Variants in FBXL19 observed in about 807,000 individuals in gnomAD.
FBXL19 encodes the protein F-box and leucine rich repeat protein 19.
Under a neutral mutation model 71.2 loss-of-function variants are expected in FBXL19, and 16 were observed. The ratio of observed to expected loss-of-function variants is 0.22; its 90% CI spans 0.15 to 0.34. The LOEUF (loss-of-function observed/expected upper bound fraction) is 0.34. Among genes scored for constraint, FBXL19 ranks in the 10% least tolerant of loss-of-function variants. FBXL19 has a pLI of 1.00. For missense variants in FBXL19, 658 were observed against 968.2 expected (o/e 0.68, Z 4.25); for synonymous variants, 447 against 409.4 (o/e 1.09, Z -1.11).
chr16:30,928,649 C>G (rs774376414), intron 6 of FBXL19, 21 bp downstream of exon 6: 2 of 1,512,746 alleles, frequency 1.3e-6, no homozygotes, highest in Admixed American at 2.2e-5. Flanking sequence ...GACCTCCTCC[C>G]TCCCCTTCCC....
intron 1 of FBXL19, 82 bp downstream of exon 1, chr16:30,924,541 T>G: frequency 8.2e-7 from 1 of 1,226,210 alleles, no homozygotes; most frequent in Non-Finnish European, 1.0e-6. Context: ...TCTCTCTACC[T>G]TCCCCGCCCC....
Position 30,932,199 on chromosome 16 carries a change from G to A in FBXL19, c.1301+1615G>A, listed in dbSNP as rs536067332. ...AGTACCTGGGAAATAGGAACTACTT[G>A]AAAGAGCTCTCATTGTAGCCAGTAT... On this transcript the variant is annotated intron_variant, in intron 7 of 10. Transcript: ENST00000338343. Among the ~76,000 whole-genome samples the A allele has an allele frequency of 3.3e-5, 5 of 152,298 alleles. No homozygotes were observed. In the East Asian group the frequency reaches 9.6e-4, roughly 29 times the overall value.
chr16:30,928,206 G>GA (rs916057980), intron 5 of FBXL19, among the ~76,000 whole-genome samples: 1 of 152,080 alleles, frequency 6.6e-6, no homozygotes, highest in Admixed American at 6.5e-5. Context: ...GTGGGTTAGG[G>GA]AGGCAGGAGA....
At chr16:30,939,911 C>G (rs1215167288) in intron 7 of FBXL19, among the ~76,000 whole-genome samples, 1 of 151,784 alleles carries the variant, frequency 6.6e-6, no homozygotes, top group East Asian at 1.9e-4. Context: ...AGGGAAGGAT[C>G]GCTTGAGCTC....
intron 7 of FBXL19, among the ~76,000 whole-genome samples, chr16:30,940,862 T>G (rs1335166004): frequency 1.3e-5 from 2 of 151,986 alleles, no homozygotes; most frequent in African/African-American, 4.8e-5. Context: ...GAGACAGGGT[T>G]TCACTAGTAG....
intron 7 of FBXL19, among the ~76,000 whole-genome samples, chr16:30,931,002 G>A (rs888486103): frequency 2.0e-5 from 3 of 152,160 alleles, no homozygotes; most frequent in East Asian, 1.9e-4. Flanking sequence ...TGCCACTTCC[G>A]AAAACAGTCT....
At chr16:30,944,401 A>G (rs1401876629) in intron 9 of FBXL19, among the ~76,000 whole-genome samples, 1 of 151,712 alleles carries the variant, frequency 6.6e-6, no homozygotes, top group Non-Finnish European at 1.5e-5. Context: ...GGATGTGTCC[A>G]TGTGTTCTCA....
intron 7 of FBXL19, among the ~76,000 whole-genome samples, chr16:30,937,714 C>T (rs1016431752): frequency 6.6e-6 from 1 of 152,248 alleles, no homozygotes. Context: ...GCATGTGCCA[C>T]AACGTGTTGG....
In FBXL19 at chr16:30,923,706, C is replaced by G. The variant is rs959106827; in HGVS notation, c.-778C>G. Among the ~76,000 whole-genome samples the G allele has an allele frequency of 6.6e-6, 1 of 151,738 alleles. No homozygotes were observed. The highest frequency in any genetic ancestry group is 1.5e-5 in the Non-Finnish European group (1 of 67,882). ...GCCCCCTTCCCCTTTCCCTCTCCCC[C>G]TCTATCCTTTCCTTCCACCCTCCCG... is the stretch of plus-strand genomic sequence containing the variant. On this transcript the variant is annotated 5_prime_UTR_variant, in exon 1 of 11. Transcript: ENST00000338343.
At chr16:30,938,729 T>G (rs1182629972) in intron 7 of FBXL19, among the ~76,000 whole-genome samples, 1 of 149,400 alleles carries the variant, frequency 6.7e-6, no homozygotes, top group Non-Finnish European at 1.5e-5. Flanking sequence ...CTCCGCCTCC[T>G]GGGTTCACGC....
chr16:30,929,824 G>A (rs1445432859), intron 6 of FBXL19, among the ~76,000 whole-genome samples: 1 of 152,236 alleles, frequency 6.6e-6, no homozygotes, highest in East Asian at 1.9e-4. Context: ...AGAGTGCTGG[G>A]ATTACAGGCG....
chr16:30,929,628 G>A (rs528747273), intron 6 of FBXL19, among the ~76,000 whole-genome samples: 1 of 152,132 alleles, frequency 6.6e-6, no homozygotes, highest in African/African-American at 2.4e-5. Flanking sequence ...GCGTGATCTC[G>A]GCCCGCTGAA....
In FBXL19 at chr16:30,927,377, G is replaced by A; in HGVS notation, c.247G>A (p.Glu83Lys). 1 of 1,593,470 alleles carries A rather than the reference G, an allele frequency of 6.3e-7. No homozygotes were observed. Among genetic ancestry groups the A allele is most frequent in the Non-Finnish European group, 8.5e-7 (1 of 1,169,890 alleles). ...EAGKEDTVEG[E>K]EEKFGLSLME... ...TGGGAAGGAGGACACGGTGGAGGGA[G>A]AGGAAGAGAAATTTGGTTTGAGCCT... Residue 83 changes from glutamate (E) to lysine (K), a missense_variant, in exon 3 of 11, where the codon GAG becomes AAG. Glu to Lys is a moderately conservative substitution (Grantham distance 56, BLOSUM62 1). This residue lies in a region of FBXL19 where 447 missense variants were observed against 515.4 expected (regional missense o/e 0.87). Coordinates refer to ENST00000338343, the MANE Select transcript of FBXL19 (RefSeq NM_001382779.1).
chr16:30,942,617 G>A lies in FBXL19; in HGVS notation c.1627+81G>A. 6.9e-7 allele frequency: 1 copy of A among 1,447,140 alleles called. No homozygotes were observed. The highest frequency in any genetic ancestry group is 9.1e-7 in the Non-Finnish European group (1 of 1,101,094). 89.6% of individuals were successfully genotyped at this position (1,447,140 alleles called of 1,614,324 possible). On this transcript the variant is annotated intron_variant, in intron 9 of 10. Coordinates refer to ENST00000338343, the MANE Select transcript of FBXL19 (RefSeq NM_001382779.1). The surrounding 1 kb of genome is among the most constrained non-coding windows in gnomAD (Gnocchi z 5.7). ...GCCTCTCAGGTCTCTTCTGACTCATGCTGGATGGTAAAGTATTTGAAGAAA... is the reference window on the plus strand; with the variant it reads ...GCCTCTCAGGTCTCTTCTGACTCATACTGGATGGTAAAGTATTTGAAGAAA...
Position 30,923,944 on chromosome 16 carries a change from AC to A in FBXL19, c.-532del, listed in dbSNP as rs1314843514. Among the ~76,000 whole-genome samples the A allele has an allele frequency of 1.1e-4, 9 of 82,994 alleles. No individual in the cohort carries two copies. Among genetic ancestry groups the A allele is most frequent in the East Asian group, 3.0e-4 (1 of 3,302 alleles). The allele number at this position is 82,994 out of a possible 152,430, so 54.4% of individuals were successfully genotyped here. On this transcript the variant is annotated 5_prime_UTR_variant, in exon 1 of 11. Transcript: ENST00000338343. Reference sequence around the variant, plus strand: ...CAGGGGAGGGGGGCAGGTTACAGCGACCCCCCCCTCCCCGGGAACCGGCGGT... The same window carrying A: ...CAGGGGAGGGGGGCAGGTTACAGCGACCCCCCCTCCCCGGGAACCGGCGGT...
Position 30,945,808 on chromosome 16 carries a change from T to C in FBXL19, c.1628-922T>C, listed in dbSNP as rs1431727799. On this transcript the variant is annotated intron_variant, in intron 9 of 10. Transcript: ENST00000338343. ...CTGCAGTAAGCTGTGATTGTACCAC[T>C]GCACTCCAGCCTGGGTGACAGAGCA... Among the ~76,000 whole-genome samples, 4 of 135,146 alleles carry C rather than the reference T, an allele frequency of 3.0e-5. No homozygotes were observed. In the Admixed American group the frequency reaches 3.3e-4, roughly 11 times the overall value. 88.7% of individuals were successfully genotyped at this position (135,146 alleles called of 152,430 possible).
chr16:30,942,928 A>G lies in FBXL19; in HGVS notation c.1627+392A>G, dbSNP rs2055818044. On this transcript the variant is annotated intron_variant, in intron 9 of 10. Coordinates refer to ENST00000338343, the MANE Select transcript of FBXL19 (RefSeq NM_001382779.1). The surrounding 1 kb of genome is among the most constrained non-coding windows in gnomAD (Gnocchi z 5.7). The stretch of plus-strand genomic sequence containing the variant: ...TGATCCCACCCCACATTGAGCTCAG[A>G]GTCCCTCTCAGCTTTGAGAGCAGCC... Among the ~76,000 whole-genome samples, 1 of 152,200 alleles carries G rather than the reference A, an allele frequency of 6.6e-6. No homozygotes were observed. The highest frequency in any genetic ancestry group is 2.1e-4 in the South Asian group (1 of 4,832).
intron 7 of FBXL19, among the ~76,000 whole-genome samples, chr16:30,932,309 G>A (rs141089707): frequency 1.1e-4 from 17 of 152,326 alleles, no homozygotes; most frequent in Non-Finnish European, 2.2e-4. Flanking sequence ...ATATAGTTAA[G>A]CTGCAACATA....
At chr16:30,931,158 C>T (rs919234848) in intron 7 of FBXL19, among the ~76,000 whole-genome samples, 1 of 152,080 alleles carries the variant, frequency 6.6e-6, no homozygotes, top group Non-Finnish European at 1.5e-5. Context: ...CATCCCCCAG[C>T]CCCCCAGCCT....
Sources: allele counts gnomAD v4.1 joint callset (sites outside exome capture counted in the v4.1 genomes callset), GRCh38; gene constraint gnomAD v4.1.1; regional missense constraint gnomAD v4.1.1; non-coding constraint Gnocchi (gnomAD v3.1); transcripts MANE v1.5; gene names NCBI Gene and HGNC (gene_info 2026-07-23, HGNC 2026-07-21).